AOPEP: variants seen among roughly 807,000 people sequenced by gnomAD.
The protein encoded by AOPEP is aminopeptidase O (putative).
A neutral mutation model predicts 98.1 loss-of-function variants in AOPEP; 77 were observed. The ratio of observed to expected loss-of-function variants is 0.78; its 90% CI spans 0.65 to 0.95. The LOEUF (loss-of-function observed/expected upper bound fraction) is 0.95. AOPEP is among the 40% of genes least tolerant of loss of function. The pLI is 0.00. For missense variants in AOPEP, 1,024 were observed against 1,024.7 expected, an observed-to-expected ratio of 1.00 and a Z score of 0.01; for synonymous variants, 346 against 365.3, an observed-to-expected ratio of 0.95 and a Z score of 0.60.
chr9:95,142,761 C>T, the AOPEP span, among the ~76,000 whole-genome samples: 1 of 152,124 alleles, frequency 6.6e-6, no homozygotes, highest in South Asian at 2.1e-4. Context: ...TCAGAGCCAC[C>T]CCGAGCTGCG....
chr9:94,750,880 T>C (rs1835585063), intron 1 of AOPEP, among the ~76,000 whole-genome samples: 1 of 151,058 alleles, frequency 6.6e-6, no homozygotes. Flanking sequence ...CCTGAGTAGC[T>C]GGGACTACAG....
intron 5 of AOPEP, among the ~76,000 whole-genome samples, chr9:94,839,230 C>T (rs780315750): frequency 3.9e-5 from 6 of 152,002 alleles, no homozygotes; most frequent in Non-Finnish European, 7.4e-5. Context: ...GGACTACAGG[C>T]GCCCACCACC....
At chr9:94,901,221 C>T (rs571657052) in intron 5 of AOPEP, among the ~76,000 whole-genome samples, 2 of 152,160 alleles carry the variant, frequency 1.3e-5, no homozygotes, top group Non-Finnish European at 1.5e-5. Flanking sequence ...ACTTATGGCC[C>T]TTTCAGCTTT....
At chr9:95,011,989 A>C (rs113438941) in intron 13 of AOPEP, among the ~76,000 whole-genome samples, 1 of 152,212 alleles carries the variant, frequency 6.6e-6, no homozygotes, top group Non-Finnish European at 1.5e-5. Flanking sequence ...TATTCATATC[A>C]TAATAGCTAA....
chr9:94,981,048 A>C (rs534697743), intron 11 of AOPEP, among the ~76,000 whole-genome samples: 6 of 152,326 alleles, frequency 3.9e-5, no homozygotes, highest in African/African-American at 1.4e-4. Flanking sequence ...TGGAACAAGA[A>C]GGCTGCTGTT....
chr9:94,855,180 C>T (rs551861848), intron 5 of AOPEP, among the ~76,000 whole-genome samples: 55 of 152,180 alleles, frequency 3.6e-4, no homozygotes, highest in African/African-American at 1.2e-3. Flanking sequence ...CAGATTCAAG[C>T]GATTCTCCTA....
chr9:94,732,164 G>C (rs531668943), intron 1 of AOPEP, among the ~76,000 whole-genome samples: 7 of 151,488 alleles, frequency 4.6e-5, no homozygotes, highest in Non-Finnish European at 1.0e-4. Context: ...ACTAATTACA[G>C]TATACTCTAG....
At chr9:94,808,102 G>C (rs1230314050) in intron 5 of AOPEP, among the ~76,000 whole-genome samples, 1 of 151,134 alleles carries the variant, frequency 6.6e-6, no homozygotes, top group Non-Finnish European at 1.5e-5. Flanking sequence ...GAGTGCAGTG[G>C]TGCAATCTTG....
chr9:94,834,720 G>C (rs2041341971), intron 5 of AOPEP, among the ~76,000 whole-genome samples: 2 of 152,182 alleles, frequency 1.3e-5, no homozygotes, highest in South Asian at 4.2e-4. Context: ...TTGAACCTGG[G>C]AGGCAGAGGC....
At chr9:94,856,641 T>TA (rs35234682) in intron 5 of AOPEP, among the ~76,000 whole-genome samples, 2,919 of 128,358 alleles carry the variant, frequency 0.023, 65 homozygotes, top group East Asian at 0.074. Flanking sequence ...AACTCCGTCT[T>TA]AAAAAAAAAA....
chr9:94,891,045 T>A (rs1287224073), intron 5 of AOPEP, among the ~76,000 whole-genome samples: 1 of 152,246 alleles, frequency 6.6e-6, no homozygotes. Context: ...GGTACTGAAA[T>A]AACCAACTAC....
At chr9:95,002,359 C>T (rs770987049) in intron 11 of AOPEP, among the ~76,000 whole-genome samples, 2 of 152,174 alleles carry the variant, frequency 1.3e-5, no homozygotes, top group South Asian at 2.1e-4. Context: ...ACAAAAGATA[C>T]GGGATCTCTT....
At chr9:94,933,537 G>C in intron 7 of AOPEP, 1 of 985,336 alleles carries the variant, frequency 1.0e-6, no homozygotes, top group Non-Finnish European at 1.2e-6. Context: ...TACAATGCTA[G>C]ATAAATGCGA....
intron 1 of AOPEP, among the ~76,000 whole-genome samples, 165 bp from the exon 2 acceptor site, chr9:94,759,484 G>A (rs1176970099): frequency 6.6e-6 from 1 of 152,192 alleles, no homozygotes; most frequent in East Asian, 1.9e-4. Flanking sequence ...CCATAATGCA[G>A]CTTTCTTTCA....
intron 13 of AOPEP, among the ~76,000 whole-genome samples, chr9:95,036,918 A>T (rs2064883183): frequency 6.6e-6 from 1 of 152,100 alleles, no homozygotes; most frequent in Non-Finnish European, 1.5e-5. Context: ...TCTTTTGACA[A>T]TGTCATTGTC....
At chr9:94,920,759 G>A (rs2053496852) in intron 5 of AOPEP, among the ~76,000 whole-genome samples, 1 of 152,192 alleles carries the variant, frequency 6.6e-6, no homozygotes, top group Non-Finnish European at 1.5e-5. Flanking sequence ...GTAGTGTTCA[G>A]GAACAGCCTT....
chr9:94,979,324 GTAACTTTTTAATCC>G (rs781016218), intron 10 of AOPEP, 29 bp from the exon 11 acceptor site: 3 of 1,380,868 alleles, frequency 2.2e-6, no homozygotes, highest in Admixed American at 3.7e-5. Context: ...TAAGCGCTCT[GTAACTTTTTAATCC>G]TTTACTTTTT....
the AOPEP span, chr9:95,149,949 A>G: frequency 6.2e-7 from 1 of 1,610,056 alleles, no homozygotes; most frequent in Non-Finnish European, 8.5e-7. Context: ...TTACAGCCTC[A>G]AAGAACTCTG....
chr9:94,988,328 G>A (rs959817800), intron 11 of AOPEP, among the ~76,000 whole-genome samples: 5 of 152,110 alleles, frequency 3.3e-5, no homozygotes, highest in African/African-American at 4.8e-5. Context: ...AGGGAGAGTC[G>A]ATTGCCCACA....
Sources: gnomAD v4.1 joint callset for allele counts (sites outside exome capture counted in the v4.1 genomes callset) on GRCh38, gnomAD v4.1.1 for gene constraint, MANE v1.5 for transcripts, NCBI Gene and HGNC (gene_info 2026-07-23, HGNC 2026-07-21) for gene names.